The following MYO16 variants were observed in gnomAD, a reference collection of about 807,000 sequenced individuals.
MYO16 encodes myosin XVI.
In MYO16, 94 loss-of-function variants were observed where a neutral mutation model predicts 205.3. The ratio of observed to expected loss-of-function variants is 0.46; its 90% CI spans 0.39 to 0.54. The LOEUF is 0.54. Ranked by LOEUF, MYO16 falls within the 20% of genes least tolerant of loss-of-function variation. The pLI, the probability that MYO16 is intolerant of heterozygous loss-of-function variation, is 0.00. For missense variants in MYO16, 2,315 were observed against 2,387.5 expected, an observed-to-expected ratio of 0.97 and a Z score of 0.63; for synonymous variants, 988 against 954.0, an observed-to-expected ratio of 1.04 and a Z score of -0.66.
chr13:109,173,768 G>T (rs147305325), intron 33 of MYO16, among the ~76,000 whole-genome samples: 8 of 151,854 alleles, frequency 5.3e-5, no homozygotes, highest in Middle Eastern at 3.4e-3. Context: ...GGTGGTGGGC[G>T]CCTGTAGTCC....
chr13:108,637,955 C>T lies in MYO16; in HGVS notation c.28+8083C>T, dbSNP rs926368226. ...TCCTACTCTCTTGAAATCACCATACCAGTGTGTGAGACAGAGTAAGTAAGT... is the reference window on the plus strand; with the variant it reads ...TCCTACTCTCTTGAAATCACCATACTAGTGTGTGAGACAGAGTAAGTAAGT... On this transcript the variant is annotated intron_variant, in intron 1 of 34. Coordinates refer to ENST00000457511, the MANE Select transcript of MYO16 (RefSeq NM_001198950.3). Among the ~76,000 whole-genome samples, 8 of 151,936 alleles carry T rather than the reference C, an allele frequency of 5.3e-5. No individual in the cohort carries two copies. The East Asian group carries it at 9.6e-4, about 18-fold the overall frequency.
chr13:109,140,391 C>T lies in MYO16; in HGVS notation c.4179C>T (p.Pro1393=), dbSNP rs767675157. The T allele has an allele frequency of 2.5e-6, 4 of 1,595,506 alleles. No homozygotes were observed. Among genetic ancestry groups the T allele is most frequent in the Admixed American group, 3.4e-5 (2 of 59,284 alleles). Residue 1393 remains proline, a synonymous_variant, in exon 32 of 35, where the codon CCC becomes CCT. Coordinates refer to ENST00000457511, the MANE Select transcript of MYO16 (RefSeq NM_001198950.3). This position sits in a 1 kb window ranked among gnomAD's most constrained non-coding sequence, Gnocchi z 8.0. The stretch of plus-strand genomic sequence containing the variant: ...ACGAGGAGATATCGGGGTCCCGGCC[C>T]GGGGACGCGAGGCCCGCGGGCGCCC... ...GSYEEISGSR[P]GDARPAGAPG...
At chr13:108,903,571 C>A (rs1468714178) in intron 15 of MYO16, among the ~76,000 whole-genome samples, 1 of 152,004 alleles carries the variant, frequency 6.6e-6, no homozygotes. Context: ...TAACAGAGAT[C>A]TATTGTATGA....
intron 21 of MYO16, among the ~76,000 whole-genome samples, chr13:109,005,504 G>A (rs1885358935): frequency 6.6e-6 from 1 of 151,992 alleles, no homozygotes; most frequent in South Asian, 2.1e-4. Flanking sequence ...TTTGGTATAT[G>A]TCTACTATAC....
chr13:108,597,029 G>A (rs1006019233), intron 1 of MYO16, among the ~76,000 whole-genome samples: 2 of 152,120 alleles, frequency 1.3e-5, no homozygotes, highest in African/African-American at 4.8e-5. Flanking sequence ...TTAGATGAAT[G>A]TACTAAATTA....
chr13:109,123,392 T>C (rs899630004), intron 29 of MYO16, among the ~76,000 whole-genome samples: 2 of 152,198 alleles, frequency 1.3e-5, no homozygotes, highest in Non-Finnish European at 2.9e-5. Context: ...TCCAAGAGAT[T>C]AAACATCTTG....
At chr13:108,843,577 A>G (rs1393906520) in intron 9 of MYO16, among the ~76,000 whole-genome samples, 1 of 152,200 alleles carries the variant, frequency 6.6e-6, no homozygotes, top group Non-Finnish European at 1.5e-5. Flanking sequence ...ACATGAAATA[A>G]TTATGTTTAC....
chr13:108,787,444 G>T (rs9634575), intron 5 of MYO16, among the ~76,000 whole-genome samples: 5,084 of 152,246 alleles, frequency 0.033, 249 homozygotes, highest in East Asian at 0.24. Context: ...AAAAGCTACA[G>T]TAATAAATGT....
chr13:108,569,012 T>C, the MYO16 span, among the ~76,000 whole-genome samples: 25 of 152,144 alleles, frequency 1.6e-4, no homozygotes, highest in African/African-American at 5.8e-4. Context: ...TTCTATTCTT[T>C]TGATCTATAT....
intron 4 of MYO16, among the ~76,000 whole-genome samples, chr13:108,755,528 G>T (rs1885393960): frequency 6.8e-6 from 1 of 147,888 alleles, no homozygotes. Flanking sequence ...TGTCTTGCTA[G>T]TCTGTGATTT....
chr13:109,075,324 G>A (rs920041764), intron 27 of MYO16, among the ~76,000 whole-genome samples: 11 of 69,072 alleles, frequency 1.6e-4, no homozygotes, highest in Non-Finnish European at 2.4e-4. Context: ...TGTCCAACAC[G>A]TGGTTTGATC....
intron 32 of MYO16, among the ~76,000 whole-genome samples, chr13:109,149,105 T>C (rs1224565397): frequency 6.6e-6 from 1 of 152,200 alleles, no homozygotes; most frequent in Non-Finnish European, 1.5e-5. Context: ...TTGTTTCTCT[T>C]CTGTCACATA....
At chr13:108,966,868 C>A (rs1229373503) in intron 20 of MYO16, among the ~76,000 whole-genome samples, 1 of 152,054 alleles carries the variant, frequency 6.6e-6, no homozygotes, top group African/African-American at 2.4e-5. Flanking sequence ...AGAAAAGTCT[C>A]AAAAATTTGG....
At chr13:108,547,305 G>A in the MYO16 span, among the ~76,000 whole-genome samples, 32 of 150,888 alleles carry the variant, frequency 2.1e-4, no homozygotes, top group East Asian at 7.8e-4. Context: ...ATAAAACTCC[G>A]GACTGTTGAG....
chr13:108,723,067 C>T (rs1210566465), intron 3 of MYO16, among the ~76,000 whole-genome samples: 2 of 152,186 alleles, frequency 1.3e-5, no homozygotes, highest in Non-Finnish European at 2.9e-5. Context: ...GGTTGTTGTA[C>T]ACTCTTGAGA....
chr13:108,859,956 T>C (rs1415412522), intron 11 of MYO16, among the ~76,000 whole-genome samples: 1 of 151,970 alleles, frequency 6.6e-6, no homozygotes, highest in Non-Finnish European at 1.5e-5. Context: ...GCCTCACTCA[T>C]TTCAGCCACT....
chr13:108,984,535 C>A (rs1884560806), intron 20 of MYO16, among the ~76,000 whole-genome samples: 1 of 152,158 alleles, frequency 6.6e-6, no homozygotes, highest in African/African-American at 2.4e-5. Context: ...GTAATCATAC[C>A]TTTTCTTTGA....
At chr13:108,524,100 C>T in the MYO16 span, among the ~76,000 whole-genome samples, 1 of 151,686 alleles carries the variant, frequency 6.6e-6, no homozygotes, top group Non-Finnish European at 1.5e-5. Context: ...AGCTGGAAAC[C>T]AGCCTGGGCA....
At chr13:108,771,075 A>C (rs1352756938) in intron 4 of MYO16, among the ~76,000 whole-genome samples, 1 of 152,150 alleles carries the variant, frequency 6.6e-6, no homozygotes, top group Non-Finnish European at 1.5e-5. Flanking sequence ...TAAAGTGTAT[A>C]TATTTAGGAC....
Sources: allele counts gnomAD v4.1 joint callset (sites outside exome capture counted in the v4.1 genomes callset), GRCh38; gene constraint gnomAD v4.1.1; non-coding constraint Gnocchi (gnomAD v3.1); transcripts MANE v1.5; gene names NCBI Gene and HGNC (gene_info 2026-07-23, HGNC 2026-07-21).